The following C6 variants were observed in gnomAD, a reference collection of about 807,000 sequenced individuals.
C6 encodes the protein complement C6, also known as complement component C6.
Under a neutral mutation model 112.9 loss-of-function variants are expected in C6, and 101 were observed. That is an observed-to-expected ratio of 0.89 (90% CI 0.76 to 1.06). C6 has a LOEUF of 1.06. Among genes scored for constraint, C6 ranks in the 50% least tolerant of loss-of-function variants. C6 has a pLI of 0.00. For missense variants in C6, 1,202 were observed against 1,104.6 expected, an observed-to-expected ratio of 1.09 and a Z score of -1.25; for synonymous variants, 431 against 384.1, an observed-to-expected ratio of 1.12 and a Z score of -1.43.
chr5:41,235,407 C>T lies in C6; in HGVS notation c.-21+25787G>A, dbSNP rs879420906. Among the ~76,000 whole-genome samples the T allele has an allele frequency of 2.6e-4, 38 of 146,370 alleles. No individual in the cohort carries two copies. The East Asian group carries it at 3.6e-3, about 14-fold the overall frequency. On this transcript the variant is annotated intron_variant, in intron 1 of 17. Transcript: ENST00000263413. ...CATGTCCCTACAAAGGACATGAACT[C>T]ATCAATTTTTATGGCTGCATAGTAT... is the stretch of plus-strand genomic sequence containing the variant.
chr5:41,254,069 C>T (rs1362606853), intron 1 of C6, among the ~76,000 whole-genome samples: 1 of 152,122 alleles, frequency 6.6e-6, no homozygotes, highest in Non-Finnish European at 1.5e-5. Context: ...ACGTTCCTGA[C>T]TGCAATATAT....
upstream of C6, among the ~76,000 whole-genome samples, chr5:41,217,249 C>G (rs984209674): frequency 6.6e-6 from 1 of 151,986 alleles, no homozygotes; most frequent in Non-Finnish European, 1.5e-5. Context: ...CTCTTTTTAC[C>G]TTTCATATGG....
intron 7 of C6, 89 bp downstream of exon 7, chr5:41,181,270 A>G: frequency 8.1e-7 from 1 of 1,230,536 alleles, no homozygotes; most frequent in African/African-American, 1.5e-5. Flanking sequence ...CTGGTACAAT[A>G]TCAAAACTCT....
At chr5:41,200,701 T>C (rs1255175078) in intron 3 of C6, among the ~76,000 whole-genome samples, 1 of 152,088 alleles carries the variant, frequency 6.6e-6, no homozygotes, top group Non-Finnish European at 1.5e-5. Flanking sequence ...CATTGGCCGA[T>C]GCCCTTACAG....
intron 1 of C6, among the ~76,000 whole-genome samples, chr5:41,227,504 G>A (rs1218872993): frequency 1.3e-5 from 2 of 151,804 alleles, no homozygotes; most frequent in Non-Finnish European, 2.9e-5. Context: ...TGTGCTTTTG[G>A]GGTCACATCC....
chr5:41,222,629 G>A (rs1024613246), intron 1 of C6, among the ~76,000 whole-genome samples: 8 of 151,966 alleles, frequency 5.3e-5, no homozygotes, highest in African/African-American at 1.9e-4. Context: ...GAAATTAAAA[G>A]AAAAAATAGT....
At chr5:41,230,109 A>G (rs1739794778) in intron 1 of C6, among the ~76,000 whole-genome samples, 1 of 152,174 alleles carries the variant, frequency 6.6e-6, no homozygotes, top group African/African-American at 2.4e-5. Context: ...TAATCACGTT[A>G]TCTTTGTAAG....
chr5:41,186,608 A>G (rs1346789852), intron 5 of C6, among the ~76,000 whole-genome samples: 1 of 152,138 alleles, frequency 6.6e-6, no homozygotes, highest in African/African-American at 2.4e-5. Context: ...AGAGCTCATA[A>G]TAAAATAGTA....
intron 1 of C6, among the ~76,000 whole-genome samples, chr5:41,249,416 ATAG>A (rs1253467792): frequency 6.6e-6 from 1 of 152,220 alleles, no homozygotes; most frequent in African/African-American, 2.4e-5. Flanking sequence ...ACTGAAAATG[ATAG>A]TAGAACTGTT....
At chr5:41,241,783 T>C (rs960647936) in intron 1 of C6, among the ~76,000 whole-genome samples, 3 of 152,088 alleles carry the variant, frequency 2.0e-5, no homozygotes, top group African/African-American at 7.2e-5. Context: ...AAAGACCAGA[T>C]AGCAAGACTG....
chr5:41,194,511 T>C (rs1750457618), intron 5 of C6, among the ~76,000 whole-genome samples: 1 of 152,154 alleles, frequency 6.6e-6, no homozygotes, highest in East Asian at 1.9e-4. Context: ...CTAAATCAAA[T>C]AAGGTTGTAT....
At chr5:41,257,955 CA>C (rs1250976260) in intron 1 of C6, among the ~76,000 whole-genome samples, 1 of 151,910 alleles carries the variant, frequency 6.6e-6, no homozygotes, top group Non-Finnish European at 1.5e-5. Flanking sequence ...TTTTTTAAAT[CA>C]AATTTAAAAT....
chr5:41,191,799 T>A (rs562404146), intron 5 of C6, among the ~76,000 whole-genome samples: 3,830 of 152,032 alleles, frequency 0.025, 171 homozygotes, highest in African/African-American at 0.088. Context: ...GGGCCTTTTT[T>A]TTTTTGGTGG....
At chr5:41,200,210 C>T (rs1482121426) in intron 3 of C6, among the ~76,000 whole-genome samples, 1 of 152,102 alleles carries the variant, frequency 6.6e-6, no homozygotes, top group African/African-American at 2.4e-5. Flanking sequence ...TAAATGTTTG[C>T]TGAGAGTCTC....
intron 1 of C6, among the ~76,000 whole-genome samples, chr5:41,219,437 G>C (rs1397486378): frequency 6.6e-6 from 1 of 152,090 alleles, no homozygotes; most frequent in Non-Finnish European, 1.5e-5. Flanking sequence ...TCTCTGGGGT[G>C]TAAGTAGCTA....
chr5:41,210,070 A>C lies in C6; in HGVS notation c.-21+3306T>G, dbSNP rs547266131. On this transcript the variant is annotated intron_variant, in intron 1 of 17. Coordinates refer to ENST00000337836, the MANE Select transcript of C6 (RefSeq NM_000065.5). ...CCCTCAGAAATAATACCACACGTCTACAGCCATCTGATCTTTGACAAATCT... is the reference window on the plus strand; with the variant it reads ...CCCTCAGAAATAATACCACACGTCTCCAGCCATCTGATCTTTGACAAATCT... Among the ~76,000 whole-genome samples the C allele has an allele frequency of 6.6e-5, 10 of 152,362 alleles. No homozygotes were observed. In the South Asian group the frequency reaches 2.1e-3, roughly 32 times the overall value.
At chr5:41,204,027 G>C (rs1010104136) in intron 1 of C6, among the ~76,000 whole-genome samples, 2 of 152,148 alleles carry the variant, frequency 1.3e-5, no homozygotes, top group African/African-American at 4.8e-5. Context: ...TCCCACTTAT[G>C]GTCTTGAAGA....
intron 17 of C6, among the ~76,000 whole-genome samples, chr5:41,143,583 A>G (rs576015848): frequency 4.6e-5 from 7 of 152,344 alleles, no homozygotes; most frequent in Middle Eastern, 6.8e-3. Flanking sequence ...CCTTACAGCA[A>G]ACATATGAAT....
At chr5:41,204,431 C>T (rs1751265781) in intron 1 of C6, among the ~76,000 whole-genome samples, 1 of 152,018 alleles carries the variant, frequency 6.6e-6, no homozygotes, top group African/African-American at 2.4e-5. Context: ...TTCCAAATTG[C>T]CCTGCTAAAA....
Sources: allele counts gnomAD v4.1 joint callset (sites outside exome capture counted in the v4.1 genomes callset), GRCh38; gene constraint gnomAD v4.1.1; transcripts MANE v1.5; gene names NCBI Gene and HGNC (gene_info 2026-07-23, HGNC 2026-07-21).